Variants in ADAMTSL1 observed in about 807,000 individuals in gnomAD.
ADAMTSL1 encodes the protein ADAMTS-like protein 1.
ADAMTSL1 carries 126 observed loss-of-function variants against 201.8 expected under a neutral mutation model. The ratio of observed to expected loss-of-function variants is 0.62; its 90% CI spans 0.54 to 0.72. ADAMTSL1 has a LOEUF of 0.72. Among genes scored for constraint, ADAMTSL1 ranks in the 30% least tolerant of loss-of-function variants. The pLI is 0.00. For missense variants in ADAMTSL1, 2,679 were observed against 2,277.8 expected, an observed-to-expected ratio of 1.18 and a Z score of -3.59; for synonymous variants, 1,121 against 903.4, an observed-to-expected ratio of 1.24 and a Z score of -4.32.
intron 22 of ADAMTSL1, among the ~76,000 whole-genome samples, chr9:18,826,857 G>A (rs913188480): frequency 6.6e-6 from 1 of 152,114 alleles, no homozygotes; most frequent in Non-Finnish European, 1.5e-5. Context: ...AAAAACTATG[G>A]ATTCCTCCTT....
chr9:18,732,024 AT>A (rs1356975894), intron 15 of ADAMTSL1, among the ~76,000 whole-genome samples: 5 of 152,190 alleles, frequency 3.3e-5, no homozygotes, highest in African/African-American at 1.2e-4. Flanking sequence ...AGTTTTCCTT[AT>A]CTGTAAAACA....
At chr9:18,778,584 C>T (rs996180394) in intron 19 of ADAMTSL1, among the ~76,000 whole-genome samples, 13 of 152,234 alleles carry the variant, frequency 8.5e-5, no homozygotes, top group Non-Finnish European at 1.5e-4. Context: ...TATTTTTTAC[C>T]GCTACCTGTG....
intron 2 of ADAMTSL1, among the ~76,000 whole-genome samples, chr9:18,243,869 C>G (rs996974744): frequency 1.3e-5 from 2 of 150,324 alleles, no homozygotes; most frequent in East Asian, 3.9e-4. Context: ...CTGAGCTTCT[C>G]TGCTTGTACC....
At chr9:18,129,229 C>G (rs1314586538) in intron 1 of ADAMTSL1, among the ~76,000 whole-genome samples, 2 of 152,160 alleles carry the variant, frequency 1.3e-5, no homozygotes, top group Non-Finnish European at 2.9e-5. Flanking sequence ...CTGAGAAATC[C>G]TAAAAGTCTC....
At chr9:18,300,029 C>G (rs925886267) in intron 2 of ADAMTSL1, among the ~76,000 whole-genome samples, 1 of 152,138 alleles carries the variant, frequency 6.6e-6, no homozygotes, top group Non-Finnish European at 1.5e-5. Flanking sequence ...TAAATTAGTT[C>G]AACCATTGTG....
chr9:18,730,000 C>T (rs1818118714), intron 15 of ADAMTSL1, among the ~76,000 whole-genome samples: 1 of 152,106 alleles, frequency 6.6e-6, no homozygotes, highest in South Asian at 2.1e-4. Context: ...AATCAATCAA[C>T]AGTAGCAGAG....
At chr9:18,099,499 T>C (rs959482199) in intron 1 of ADAMTSL1, among the ~76,000 whole-genome samples, 8 of 150,296 alleles carry the variant, frequency 5.3e-5, no homozygotes, top group African/African-American at 1.7e-4. Context: ...TTTACAAATA[T>C]AGTGTTTTTT....
intron 13 of ADAMTSL1, among the ~76,000 whole-genome samples, chr9:18,694,867 G>A (rs1322707877): frequency 6.6e-6 from 1 of 152,210 alleles, no homozygotes; most frequent in East Asian, 1.9e-4. Context: ...TGAGGTCTCT[G>A]TTCCTGCAAC....
At chr9:18,093,305 CT>C (rs1281665973) in intron 1 of ADAMTSL1, among the ~76,000 whole-genome samples, 2 of 152,094 alleles carry the variant, frequency 1.3e-5, no homozygotes, top group African/African-American at 4.8e-5. Flanking sequence ...TTTCTTTATC[CT>C]TTGTTATCTC....
At chr9:18,007,263 T>C (rs1238677950) in intron 1 of ADAMTSL1, among the ~76,000 whole-genome samples, 1 of 152,032 alleles carries the variant, frequency 6.6e-6, no homozygotes, top group Non-Finnish European at 1.5e-5. Flanking sequence ...GCTTGGACAA[T>C]GCTGCTCTTG....
At chr9:18,573,201 C>T (rs1224295423) in intron 3 of ADAMTSL1, 1 of 153,184 alleles carries the variant, frequency 6.5e-6, no homozygotes, top group East Asian at 1.9e-4. Flanking sequence ...CTTCTGTGGC[C>T]TCATTAAATA....
chr9:18,008,381 T>G (rs1819915729), intron 1 of ADAMTSL1, among the ~76,000 whole-genome samples: 1 of 151,982 alleles, frequency 6.6e-6, no homozygotes, highest in Non-Finnish European at 1.5e-5. Context: ...ATCCCAATAC[T>G]CTTGGCATAA....
chr9:18,623,773 C>G (rs1412673), intron 5 of ADAMTSL1, among the ~76,000 whole-genome samples: 36,508 of 152,086 alleles, frequency 0.24, 5,020 homozygotes, highest in East Asian at 0.49. Context: ...CATATTGTCT[C>G]CAGATTTTGC....
chr9:18,786,779 T>C (rs10732209), intron 19 of ADAMTSL1, among the ~76,000 whole-genome samples: 94,282 of 152,088 alleles, frequency 0.62, 29,764 homozygotes, highest in East Asian at 0.95. Flanking sequence ...CCAGGCATCA[T>C]GAGGGGATGT....
chr9:18,203,120 G>A (rs146144187), intron 2 of ADAMTSL1, among the ~76,000 whole-genome samples: 40 of 152,202 alleles, frequency 2.6e-4, no homozygotes, highest in African/African-American at 9.4e-4. Flanking sequence ...TCCATGAATT[G>A]CACAAAGGCC....
intron 1 of ADAMTSL1, among the ~76,000 whole-genome samples, chr9:18,144,682 A>G (rs1445706058): frequency 6.6e-6 from 1 of 152,150 alleles, no homozygotes; most frequent in Non-Finnish European, 1.5e-5. Context: ...CAAAGATACT[A>G]GCTTTTTAGA....
chr9:18,863,007 T>C (rs1365632663), intron 23 of ADAMTSL1, among the ~76,000 whole-genome samples: 1 of 152,206 alleles, frequency 6.6e-6, no homozygotes, highest in Admixed American at 6.5e-5. Flanking sequence ...CTGTGAACTT[T>C]TAAAATTGGA....
At chr9:18,491,468 G>A (rs1026564799) in intron 1 of ADAMTSL1, among the ~76,000 whole-genome samples, 1 of 152,168 alleles carries the variant, frequency 6.6e-6, no homozygotes, top group Non-Finnish European at 1.5e-5. Context: ...CACGTTGAAA[G>A]CACAATTAAG....
In ADAMTSL1 at chr9:18,908,818, C is replaced by T. The variant is rs1830454565; in HGVS notation, c.*270C>T. 1 of 330,326 alleles carries T rather than the reference C, an allele frequency of 3.0e-6. No homozygotes were observed. The highest frequency in any genetic ancestry group is 4.6e-5 in the Admixed American group (1 of 21,962). The allele number at this position is 330,326 out of a possible 1,614,324, so 20.5% of individuals were successfully genotyped here. ...AGGCCAGGCAGACAGTGGGGGCTCC[C>T]TTGAAGAGCTTCCTCCCTCCCAAAC... On this transcript the variant is annotated 3_prime_UTR_variant, in exon 29 of 29. Coordinates refer to ENST00000380548, the MANE Select transcript of ADAMTSL1 (RefSeq NM_001040272.6).
Sources: allele counts gnomAD v4.1 joint callset (sites outside exome capture counted in the v4.1 genomes callset), GRCh38; gene constraint gnomAD v4.1.1; transcripts MANE v1.5; gene names NCBI Gene and HGNC (gene_info 2026-07-23, HGNC 2026-07-21).